TSNARE1: variants seen among roughly 807,000 people sequenced by gnomAD.
TSNARE1 encodes the protein t-SNARE domain-containing protein 1.
TSNARE1 carries 49 observed loss-of-function variants against 62.0 expected under a neutral mutation model. That is an observed-to-expected ratio of 0.79 (90% CI 0.63 to 1.00). TSNARE1 has a LOEUF of 1.00. Among genes scored for constraint, TSNARE1 ranks in the 50% least tolerant of loss-of-function variants. TSNARE1 has a pLI of 0.00. For synonymous variants in TSNARE1, 328 were observed against 294.4 expected (o/e 1.11, Z -1.17); for missense variants, 755 against 700.1 (o/e 1.08, Z -0.88).
chr8:142,235,044 G>A (rs78211120), intron 12 of TSNARE1, among the ~76,000 whole-genome samples: 2,935 of 152,230 alleles, frequency 0.019, 100 homozygotes, highest in African/African-American at 0.067. Flanking sequence ...CACAGAAACG[G>A]AGCAGGAGAA....
intron 10 of TSNARE1, among the ~76,000 whole-genome samples, chr8:142,287,366 C>T (rs535896261): frequency 8.5e-6 from 1 of 117,178 alleles, no homozygotes; most frequent in South Asian, 3.7e-4. Flanking sequence ...TCGGCCAGAT[C>T]TCAGGGACAG....
chr8:142,318,195 G>C (rs1477860299), intron 7 of TSNARE1, among the ~76,000 whole-genome samples: 1 of 152,198 alleles, frequency 6.6e-6, no homozygotes, highest in Non-Finnish European at 1.5e-5. Context: ...GGGATGCACA[G>C]CAGGGGAGAG....
In TSNARE1 at chr8:142,344,046, G is replaced by T. The variant is rs573390356; in HGVS notation, c.665C>A (p.Thr222Lys). ...CTTGGCCACCACCTGCTCCACGGGCGTGAGAGCCAGGGCCTGGGGCTTGCC... is the reference window on the plus strand; with the variant it reads ...CTTGGCCACCACCTGCTCCACGGGCTTGAGAGCCAGGGCCTGGGGCTTGCC... ...GSGKPQALAL[T>K]PVEQVVAKTF... Residue 222 changes from threonine (T) to lysine (K), a missense_variant, in exon 4 of 14, where the codon ACG (threonine) becomes AAG (lysine). Thr to Lys is a moderately conservative substitution (Grantham distance 78, BLOSUM62 -1). Coordinates refer to ENST00000524325, the MANE Select transcript of TSNARE1 (RefSeq NM_145003.5). The T allele has an allele frequency of 1.9e-6, 3 of 1,591,690 alleles. No individual in the cohort carries two copies. The highest frequency in any genetic ancestry group is 2.6e-6 in the Non-Finnish European group (3 of 1,166,756).
rs1024923851 is a variant in TSNARE1 at position 142,380,109 on chromosome 8, G to A, written c.-40+22995C>T. On this transcript the variant is annotated intron_variant, in intron 1 of 13. Transcript: ENST00000524325. ...AGTGGGGAGGTGGGTGGACACCAAGGCCAAGCTTTGTCCAGGGCGTACCAC... is the reference window on the plus strand; with the variant it reads ...AGTGGGGAGGTGGGTGGACACCAAGACCAAGCTTTGTCCAGGGCGTACCAC... Among the ~76,000 whole-genome samples the A allele has an allele frequency of 1.6e-4, 25 of 152,158 alleles. 1 individual carries two copies. The highest frequency in any genetic ancestry group is 5.1e-4 in the African/African-American group (21 of 41,424).
At chr8:142,337,307 G>A (rs987087610) in intron 4 of TSNARE1, among the ~76,000 whole-genome samples, 21 of 152,066 alleles carry the variant, frequency 1.4e-4, no homozygotes, top group African/African-American at 3.9e-4. Context: ...CCAACCCTAC[G>A]GCCAGCAATT....
rs141709314 is a variant in TSNARE1 at position 142,322,733 on chromosome 8, C to T, written c.894-4099G>A. Among the ~76,000 whole-genome samples, 565 of 151,450 alleles carry T rather than the reference C, an allele frequency of 3.7e-3. 2 individuals are homozygous for T. The highest frequency in any genetic ancestry group is 0.013 in the African/African-American group (524 of 41,266). ...TTGGCCGTGCCTGTGGGCTGGGCGA[C>T]GATGTTGTTATGAAAGGCTGGCCTG... On this transcript the variant is annotated intron_variant, in intron 6 of 13. Transcript: ENST00000524325.
At chr8:142,227,389 ATAG>A (rs1816883919) in intron 13 of TSNARE1, among the ~76,000 whole-genome samples, 3 of 124,316 alleles carry the variant, frequency 2.4e-5, no homozygotes, top group Admixed American at 1.6e-4. Context: ...CATCCTGCCA[ATAG>A]CCCCAGTGAC....
chr8:142,392,947 GAAAA>G (rs374805854), intron 1 of TSNARE1, among the ~76,000 whole-genome samples: 2 of 109,538 alleles, frequency 1.8e-5, no homozygotes, highest in Non-Finnish European at 4.0e-5. Context: ...AGGAGAAAAA[GAAAA>G]AAAAAAAAAA....
At chr8:142,390,099 G>T (rs951004792) in intron 1 of TSNARE1, among the ~76,000 whole-genome samples, 1 of 152,210 alleles carries the variant, frequency 6.6e-6, no homozygotes, top group African/African-American at 2.4e-5. Context: ...ACAGTTTTAA[G>T]GATTTTTTTA....
At chr8:142,261,583 T>A (rs554526698) in intron 12 of TSNARE1, among the ~76,000 whole-genome samples, 1 of 152,150 alleles carries the variant, frequency 6.6e-6, no homozygotes, top group African/African-American at 2.4e-5. Flanking sequence ...CATTGACCCA[T>A]GTGAGCCCCA....
intron 2 of TSNARE1, among the ~76,000 whole-genome samples, chr8:142,351,499 G>A (rs1045297945): frequency 3.3e-5 from 5 of 152,086 alleles, no homozygotes; most frequent in African/African-American, 7.2e-5. Context: ...ATATAAAGAC[G>A]TGTGCTTGTT....
intron 1 of TSNARE1, among the ~76,000 whole-genome samples, chr8:142,396,516 G>A (rs75508278): frequency 0.031 from 4,747 of 152,280 alleles, 242 homozygotes; most frequent in African/African-American, 0.11. Flanking sequence ...GACAGGATTA[G>A]GTCTTTATTA....
intron 12 of TSNARE1, among the ~76,000 whole-genome samples, chr8:142,245,028 G>A (rs1563773227): frequency 6.6e-6 from 1 of 152,272 alleles, no homozygotes; most frequent in Non-Finnish European, 1.5e-5. Context: ...CAAGAGGCAT[G>A]AACAGACTTT....
At chr8:142,343,825 A>AGGGGAGAGGAGGC in intron 4 of TSNARE1, 141 bp downstream of exon 4, 2 of 387,802 alleles carry the variant, frequency 5.2e-6, no homozygotes, top group Non-Finnish European at 7.4e-6. Flanking sequence ...GGAGAGGAGG[A>AGGGGAGAGGAGGC]GGGGAGAGGG....
Position 142,390,519 on chromosome 8 carries a change from T to C in TSNARE1, c.-40+12585A>G, listed in dbSNP as rs77080908. 3.8e-3 allele frequency among the ~76,000 whole-genome samples: 216 copies of C among 56,664 alleles called. 10 individuals are homozygous for C. Among genetic ancestry groups the C allele is most frequent in the African/African-American group, 0.02 (151 of 7,494 alleles). 37.2% of individuals were successfully genotyped at this position (56,664 alleles called of 152,430 possible). A position where few individuals can be genotyped will look rare whatever the true frequency, so the allele number is the denominator to read the frequency against. ...AGACGCTGTACACTGCTGGGGACTC[T>C]GTAACAGACGCTGTACACTGCTGGG... On this transcript the variant is annotated intron_variant, in intron 1 of 13. Transcript: ENST00000524325.
At chr8:142,275,762 C>T (rs1007640178) in intron 11 of TSNARE1, 3 of 985,248 alleles carry the variant, frequency 3.0e-6, no homozygotes, top group South Asian at 4.7e-5. Flanking sequence ...CCTACCAGGG[C>T]ACAGACCTGA....
intron 1 of TSNARE1, among the ~76,000 whole-genome samples, chr8:142,398,879 C>T (rs1838091099): frequency 6.6e-6 from 1 of 152,190 alleles, no homozygotes; most frequent in South Asian, 2.1e-4. Flanking sequence ...AAAGGAAGGG[C>T]CCTGTGCAGC....
chr8:142,259,013 C>T lies in TSNARE1; in HGVS notation c.1446+15768G>A, dbSNP rs186132845. Reference sequence around the variant, plus strand: ...CCCTGAGCCACCGCTTTGCACGGTCCGGCAAGCTCAGGCGAGATACATCCA... The same window carrying T: ...CCCTGAGCCACCGCTTTGCACGGTCTGGCAAGCTCAGGCGAGATACATCCA... On this transcript the variant is annotated intron_variant, in intron 12 of 13. Coordinates refer to ENST00000524325, the MANE Select transcript of TSNARE1 (RefSeq NM_145003.5). Among the ~76,000 whole-genome samples, 288 of 152,296 alleles carry T rather than the reference C, an allele frequency of 1.9e-3. 1 individual carries two copies. The highest frequency in any genetic ancestry group is 3.4e-3 in the Non-Finnish European group (229 of 68,034).
intron 9 of TSNARE1, among the ~76,000 whole-genome samples, chr8:142,307,414 G>T (rs1488503166): frequency 6.6e-6 from 1 of 152,206 alleles, no homozygotes; most frequent in Non-Finnish European, 1.5e-5. Context: ...CTCCACGGGG[G>T]AGTGGCCGAG....
Sources: gnomAD v4.1 joint callset for allele counts (sites outside exome capture counted in the v4.1 genomes callset) on GRCh38, gnomAD v4.1.1 for gene constraint, MANE v1.5 for transcripts, NCBI Gene and HGNC (gene_info 2026-07-23, HGNC 2026-07-21) for gene names.